TRPM1: variants seen among roughly 807,000 people sequenced by gnomAD.
The protein encoded by TRPM1 is transient receptor potential cation channel subfamily M member 1, also known as TRPM1-203 APA Isoform, Intron 10.
A neutral mutation model predicts 149.4 loss-of-function variants in TRPM1; 113 were observed. That is an observed-to-expected ratio of 0.76 (90% confidence interval 0.65 to 0.88). TRPM1 has a LOEUF of 0.88. Ranked by LOEUF, TRPM1 falls within the 40% of genes least tolerant of loss-of-function variation. TRPM1 has a pLI of 0.00. For synonymous variants in TRPM1, 741 were observed against 759.5 expected, an observed-to-expected ratio of 0.98 and a Z score of 0.40; for missense variants, 1,976 against 2,038.7, an observed-to-expected ratio of 0.97 and a Z score of 0.59.
rs7166431 is a variant in TRPM1, at chr15:31,063,601, T to C, written c.791-309A>G. On this transcript the variant is annotated intron_variant, in intron 7 of 27. Coordinates refer to ENST00000256552, the MANE Select transcript of TRPM1 (RefSeq NM_001252024.2). Reference sequence around the variant, plus strand: ...TCAGCCTCCTGAGTAGCTGGGACTATGGGCACATGCCACCACACCTGGCTA... The same window carrying C: ...TCAGCCTCCTGAGTAGCTGGGACTACGGGCACATGCCACCACACCTGGCTA... Among the ~76,000 whole-genome samples the C allele has an allele frequency of 0.64, 97,953 of 151,936 alleles. 31,777 individuals are homozygous for C. The highest frequency in any genetic ancestry group is 0.83 in the East Asian group (4,267 of 5,158).
chr15:31,149,766 G>T (rs1034351205), intron 1 of TRPM1, among the ~76,000 whole-genome samples: 1 of 152,050 alleles, frequency 6.6e-6, no homozygotes, highest in South Asian at 2.1e-4. Flanking sequence ...TGATCCGCCC[G>T]CCTTGGCCTC....
At chr15:31,063,364 A>C in intron 7 of TRPM1, 72 bp from the exon 8 acceptor site, 1 of 1,584,434 alleles carries the variant, frequency 6.3e-7, no homozygotes, top group Non-Finnish European at 8.7e-7. Context: ...TAACTCCTGA[A>C]GTATGGGGAA....
intron 27 of TRPM1, among the ~76,000 whole-genome samples, chr15:31,012,994 T>C (rs1249148234): frequency 6.6e-6 from 1 of 150,790 alleles, no homozygotes; most frequent in African/African-American, 2.4e-5. Context: ...TTTTCTTTTT[T>C]TTTTTTGACA....
intron 1 of TRPM1, among the ~76,000 whole-genome samples, chr15:31,089,103 C>T (rs370029056): frequency 3.1e-4 from 47 of 152,282 alleles, no homozygotes; most frequent in Non-Finnish European, 3.2e-4. Context: ...AAAATCAATA[C>T]AGAAAATTCG....
In TRPM1 at chr15:31,038,035, G is replaced by A. The variant is rs762427013; in HGVS notation, c.2439+9C>T. On this transcript the variant is annotated intron_variant, in intron 19 of 27. Coordinates refer to ENST00000256552, the MANE Select transcript of TRPM1 (RefSeq NM_001252024.2). ...CACTGATATGCTTAGGGTCAAGTGT[G>A]TCACTGACCGTATTTTCCTCTTCTT... 2 of 1,614,060 alleles carry A rather than the reference G, an allele frequency of 1.2e-6. No individual in the cohort carries two copies. The highest frequency in any genetic ancestry group is 1.6e-4 in the Middle Eastern group (1 of 6,062).
In TRPM1 at chr15:31,046,272, TAGA is replaced by T. The variant is rs768761855; in HGVS notation, c.1765-42_1765-40del. 1.1e-4 allele frequency: 172 copies of T among 1,600,008 alleles called. No individual in the cohort carries two copies. The African/African-American group carries it at 2.1e-3, about 20-fold the overall frequency. On this transcript the variant is annotated intron_variant, in intron 15 of 27. Coordinates refer to ENST00000256552, the MANE Select transcript of TRPM1 (RefSeq NM_001252024.2). ...GAGGAAGAAAAAAAATCAATTTACT[TAGA>T]TAACTAATGTTAGTAGTACATTAGC...
At chr15:31,156,931 T>TTTA (rs1293120368) in intron 1 of TRPM1, among the ~76,000 whole-genome samples, 23 of 9,052 alleles carry the variant, frequency 2.5e-3, no homozygotes, top group African/African-American at 4.5e-3. Context: ...CTTACATTTA[T>TTTA]TTTTTTTTTT....
At chr15:31,030,543 T>C (rs2033019542) in intron 23 of TRPM1, among the ~76,000 whole-genome samples, 3 of 152,086 alleles carry the variant, frequency 2.0e-5, no homozygotes, top group Admixed American at 2.0e-4. Context: ...GAAGATGAAA[T>C]GGGTATGAAA....
upstream of TRPM1, among the ~76,000 whole-genome samples, chr15:31,105,435 C>CTGTGTG (rs10525947): frequency 2.0e-4 from 30 of 148,688 alleles, no homozygotes; most frequent in South Asian, 6.3e-4. Flanking sequence ...CTGTGTGTCT[C>CTGTGTG]TGTGTGTGTG....
chr15:31,120,475 T>G lies in TRPM1; in HGVS notation c.54+40431A>C, dbSNP rs1318636512. Among the ~76,000 whole-genome samples the G allele has an allele frequency of 3.3e-5, 5 of 152,200 alleles. No individual in the cohort carries two copies. The South Asian group carries it at 1.0e-3, about 31-fold the overall frequency. ...AGTAGGAGACTCCAAAACACATCTATCAGTAATTTATGGATCCAACACAGG... is the reference window on the plus strand; with the variant it reads ...AGTAGGAGACTCCAAAACACATCTAGCAGTAATTTATGGATCCAACACAGG... On this transcript the variant is annotated intron_variant, in intron 1 of 26. Transcript: ENST00000542188.
chr15:31,062,814 A>C (rs1340308126), intron 8 of TRPM1, 112 bp from the exon 9 acceptor site: 9 of 1,237,042 alleles, frequency 7.3e-6, no homozygotes, highest in Non-Finnish European at 1.0e-5. Flanking sequence ...GGATATCCTG[A>C]CACAGGAGAC....
chr15:31,097,434 T>C (rs1346505586), intron 1 of TRPM1, among the ~76,000 whole-genome samples: 1 of 152,218 alleles, frequency 6.6e-6, no homozygotes, highest in East Asian at 1.9e-4. Flanking sequence ...AAAGGGTGCA[T>C]GCCTGTCTTT....
At chr15:31,032,567 T>C in intron 22 of TRPM1, 122 bp downstream of exon 22, 2 of 1,195,414 alleles carry the variant, frequency 1.7e-6, no homozygotes, top group Non-Finnish European at 2.5e-6. Flanking sequence ...AATATTTCCT[T>C]TAAAAAGCCA....
rs2035520840 is a variant in TRPM1 at position 31,101,651 on chromosome 15, G to A, written c.-84+6C>T. 9 of 985,640 alleles carry A rather than the reference G, an allele frequency of 9.1e-6. No individual in the cohort carries two copies. In the South Asian group the frequency reaches 1.9e-4, roughly 21 times the overall value. 61.1% of individuals were successfully genotyped at this position (985,640 alleles called of 1,614,324 possible). A position where few individuals can be genotyped will look rare whatever the true frequency, so the allele number is the denominator to read the frequency against. On this transcript the variant is annotated splice_donor_region_variant and intron_variant, in intron 1 of 27. Coordinates refer to ENST00000256552, the MANE Select transcript of TRPM1 (RefSeq NM_001252024.2). ...TTCACCTGTGCTTACCCGCATCTGA[G>A]CTTACCTGCCACAGCAGTGGAATGG...
chr15:31,020,691 C>T (rs934111791), intron 27 of TRPM1, among the ~76,000 whole-genome samples: 2 of 152,170 alleles, frequency 1.3e-5, no homozygotes, highest in African/African-American at 2.4e-5. Flanking sequence ...GTTTTTCTTT[C>T]TATGTATGTG....
rs541970364 is a variant in TRPM1, at chr15:31,124,897, G to A, written c.54+36009C>T. 2.6e-5 allele frequency among the ~76,000 whole-genome samples: 4 copies of A among 152,244 alleles called. No individual in the cohort carries two copies. The East Asian group carries it at 5.8e-4, about 22-fold the overall frequency. The stretch of plus-strand genomic sequence containing the variant: ...TTTTGTCAAAACTAAGAATGGGCTG[G>A]GCGCAGTGGCTTATGCCTGTAATCC... On this transcript the variant is annotated intron_variant, in intron 1 of 26. Coordinates refer to the TRPM1 transcript ENST00000542188.
At chr15:31,155,595 T>C (rs1045970140) in intron 1 of TRPM1, among the ~76,000 whole-genome samples, 1 of 152,150 alleles carries the variant, frequency 6.6e-6, no homozygotes, top group Non-Finnish European at 1.5e-5. Flanking sequence ...AAGACTGATA[T>C]AACAGACAAG....
chr15:31,071,199 A>T (rs1044143073), intron 3 of TRPM1, among the ~76,000 whole-genome samples: 1 of 152,170 alleles, frequency 6.6e-6, no homozygotes, highest in Admixed American at 6.5e-5. Flanking sequence ...AAAAACTTGA[A>T]AAGTTTGTTA....
chr15:31,012,834 T>A (rs573098939), intron 27 of TRPM1, among the ~76,000 whole-genome samples: 105 of 152,310 alleles, frequency 6.9e-4, no homozygotes, highest in African/African-American at 2.4e-3. Context: ...GGGTAATTTT[T>A]AACTGATTTA....
Sources: gnomAD v4.1 joint callset for allele counts (sites outside exome capture counted in the v4.1 genomes callset) on GRCh38, gnomAD v4.1.1 for gene constraint, MANE v1.5 for transcripts, NCBI Gene and HGNC (gene_info 2026-07-23, HGNC 2026-07-21) for gene names.